Variants in TULP4 observed in about 807,000 individuals in gnomAD.
TULP4 encodes TUB like protein 4, also known as tubby-related protein 4.
Under a neutral mutation model 129.0 loss-of-function variants are expected in TULP4, and 16 were observed. The ratio of observed to expected loss-of-function variants is 0.12; its 90% confidence interval spans 0.08 to 0.19. The LOEUF is 0.19. Ranked by LOEUF, TULP4 falls within the 10% of genes least tolerant of loss-of-function variation. The probability of loss-of-function intolerance (pLI) is 1.00; values close to 1 mark genes in which losing one functional copy is unlikely to be tolerated. For synonymous variants in TULP4, 998 were observed against 854.0 expected (o/e 1.17, Z -2.94); for missense variants, 1,842 against 2,059.1 (o/e 0.89, Z 2.04).
At chr6:158,232,611 GGTGGTGCGT>G (rs1373881788) in intron 1 of TULP4, among the ~76,000 whole-genome samples, 1 of 152,072 alleles carries the variant, frequency 6.6e-6, no homozygotes, top group Non-Finnish European at 1.5e-5. Context: ...GTGCGTGTGG[GGTGGTGCGT>G]GTGGTGTGTG....
chr6:158,285,755 G>A (rs771061667), intron 1 of TULP4, among the ~76,000 whole-genome samples: 10 of 152,188 alleles, frequency 6.6e-5, no homozygotes, highest in Admixed American at 3.9e-4. Flanking sequence ...TGGCCTAGAT[G>A]GACAATGTGG....
chr6:158,314,324 C>T, intron 1 of TULP4, 56 bp downstream of exon 1: 5 of 1,571,206 alleles, frequency 3.2e-6, no homozygotes, highest in Non-Finnish European at 4.3e-6. Flanking sequence ...TTTTGAGCCC[C>T]TTGTGGACTT....
intron 1 of TULP4, among the ~76,000 whole-genome samples, chr6:158,244,894 T>C (rs146902126): frequency 3.3e-5 from 5 of 152,302 alleles, no homozygotes; most frequent in African/African-American, 9.6e-5. Flanking sequence ...AATAAATTTC[T>C]GTTGTTTAAG....
intron 1 of TULP4, among the ~76,000 whole-genome samples, chr6:158,342,657 A>G (rs1467613243): frequency 6.6e-6 from 1 of 152,196 alleles, no homozygotes; most frequent in Non-Finnish European, 1.5e-5. Flanking sequence ...ATATTTACTG[A>G]CTTCTTGAAA....
In TULP4 at chr6:158,409,954, G is replaced by A. The variant is rs561351685; in HGVS notation, c.253-3111G>A. 1.1e-3 allele frequency among the ~76,000 whole-genome samples: 167 copies of A among 151,960 alleles called. 1 individual carries two copies. Among genetic ancestry groups the A allele is most frequent in the African/African-American group, 3.8e-3 (159 of 41,456 alleles). Reference sequence around the variant, plus strand: ...CACTGCAAGCTCCGCCTCCCGGGTTGATGCCATTCTCCTGCCTCAGCCTCC... The same window carrying A: ...CACTGCAAGCTCCGCCTCCCGGGTTAATGCCATTCTCCTGCCTCAGCCTCC... On this transcript the variant is annotated intron_variant, in intron 1 of 13. Transcript: ENST00000367097.
At chr6:158,343,394 G>A in intron 1 of TULP4, among the ~76,000 whole-genome samples, 1 of 152,164 alleles carries the variant, frequency 6.6e-6, no homozygotes, top group South Asian at 2.1e-4. Flanking sequence ...GGAAGGGAAT[G>A]GTGAGTGTTA....
At chr6:158,377,391 A>G (rs1198585912) in intron 1 of TULP4, among the ~76,000 whole-genome samples, 1 of 152,226 alleles carries the variant, frequency 6.6e-6, no homozygotes, top group Non-Finnish European at 1.5e-5. Context: ...TGAGGAAGAC[A>G]CTCTTATCCC....
intron 8 of TULP4, among the ~76,000 whole-genome samples, chr6:158,485,066 T>A (rs1780034803): frequency 6.6e-6 from 1 of 152,194 alleles, no homozygotes; most frequent in South Asian, 2.1e-4. Flanking sequence ...TAGTTGGAAA[T>A]GAGGAACATA....
At chr6:158,360,585 G>A (rs1020113998) in intron 1 of TULP4, among the ~76,000 whole-genome samples, 18 of 152,174 alleles carry the variant, frequency 1.2e-4, no homozygotes, top group African/African-American at 2.4e-5. Context: ...AAAAATGAGT[G>A]TAGCAAAAAC....
rs749111822 is a variant in TULP4, at chr6:158,504,000, A to C, written c.4337A>C (p.Lys1446Thr). ...PRAAGELEEA[K>T]CRRASEKEDG... Reference sequence around the variant, plus strand: ...GCCGCCGGCGAGCTGGAGGAGGCCAAGTGCCGGCGGGCCAGTGAGAAGGAG... The same window carrying C: ...GCCGCCGGCGAGCTGGAGGAGGCCACGTGCCGGCGGGCCAGTGAGAAGGAG... The change falls in exon 13 of 14, where the codon AAG becomes ACG. Residue 1446 changes from lysine (K) to threonine (T), a missense_variant. By Grantham distance (78) the Lys-to-Thr change is moderately conservative. Around this residue, in one of 5 missense-constraint regions of TULP4, gnomAD observed 1,089 missense variants for 987.1 expected, o/e 1.10. Coordinates refer to ENST00000367097, the MANE Select transcript of TULP4 (RefSeq NM_020245.5). This position sits in a 1 kb window ranked among gnomAD's most constrained non-coding sequence, Gnocchi z 4.3. The C allele has an allele frequency of 6.2e-7, 1 of 1,612,794 alleles. No individual in the cohort carries two copies. The highest frequency in any genetic ancestry group is 8.5e-7 in the Non-Finnish European group (1 of 1,179,556).
chr6:158,269,736 C>G (rs1030906442), intron 1 of TULP4, among the ~76,000 whole-genome samples: 4 of 152,168 alleles, frequency 2.6e-5, no homozygotes, highest in Non-Finnish European at 5.9e-5. Flanking sequence ...ATTTATTTAG[C>G]ACTTTACTAT....
intron 1 of TULP4, among the ~76,000 whole-genome samples, chr6:158,247,077 T>C (rs867226984): frequency 6.6e-6 from 1 of 152,220 alleles, no homozygotes; most frequent in Admixed American, 6.5e-5. Flanking sequence ...TTCTCACTTT[T>C]TAAAAATTAA....
At chr6:158,505,342 A>G (rs1042062116) in intron 13 of TULP4, among the ~76,000 whole-genome samples, 5 of 152,196 alleles carry the variant, frequency 3.3e-5, no homozygotes, top group Non-Finnish European at 7.3e-5. Context: ...CAGGGTTGGC[A>G]TACTGGCCTT....
In TULP4 at chr6:158,364,862, G is replaced by A. The variant is rs558868510; in HGVS notation, c.253-48203G>A. Among the ~76,000 whole-genome samples, 30 of 152,056 alleles carry A rather than the reference G, an allele frequency of 2.0e-4. No individual in the cohort carries two copies. The East Asian group carries it at 5.6e-3, about 28-fold the overall frequency. ...CGCCATTCTCCTGACTCAGCCTTCC[G>A]AGTTGTGGGACTACAGGCGCCCGCC... On this transcript the variant is annotated intron_variant, in intron 1 of 13. Transcript: ENST00000367097.
intron 1 of TULP4, among the ~76,000 whole-genome samples, chr6:158,339,839 C>T (rs1780138568): frequency 6.6e-6 from 1 of 152,118 alleles, no homozygotes; most frequent in Non-Finnish European, 1.5e-5. Flanking sequence ...ATCACAGGGC[C>T]CTGAAGCTAC....
chr6:158,401,027 G>A (rs959294539), intron 1 of TULP4, among the ~76,000 whole-genome samples: 3 of 150,394 alleles, frequency 2.0e-5, no homozygotes, highest in Admixed American at 6.7e-5. Context: ...CAGGTTGGCC[G>A]CCTTTTATGT....
intron 1 of TULP4, among the ~76,000 whole-genome samples, chr6:158,354,854 C>T (rs1312830923): frequency 2.1e-5 from 3 of 140,210 alleles, no homozygotes; most frequent in East Asian, 4.4e-4. Flanking sequence ...CGCCACTGTA[C>T]TCCAGTCTAG....
chr6:158,338,637 A>C (rs902149683), intron 1 of TULP4, among the ~76,000 whole-genome samples: 3 of 152,194 alleles, frequency 2.0e-5, no homozygotes, highest in African/African-American at 4.8e-5. Context: ...ACATTGAATC[A>C]GCCATGTTAT....
chr6:158,313,944 C>T lies in TULP4; in HGVS notation c.-73C>T. 6.4e-7 allele frequency: 1 copy of T among 1,550,516 alleles called. No individual in the cohort carries two copies. The highest frequency in any genetic ancestry group is 8.7e-7 in the Non-Finnish European group (1 of 1,146,554). ...AAGCCAACCACAAAAACACATATAC[C>T]AATGAAAGAAATTGGTTTAAATTTC... On this transcript the variant is annotated 5_prime_UTR_variant, in exon 1 of 14. Transcript: ENST00000367097.
Sources: gnomAD v4.1 joint callset for allele counts (sites outside exome capture counted in the v4.1 genomes callset) on GRCh38, gnomAD v4.1.1 for gene constraint, gnomAD v4.1.1 regional missense constraint, Gnocchi (gnomAD v3.1) non-coding constraint, MANE v1.5 for transcripts, NCBI Gene and HGNC (gene_info 2026-07-23, HGNC 2026-07-21) for gene names.